The following CDC42EP1 variants were observed in gnomAD, a reference collection of about 807,000 sequenced individuals.
CDC42EP1 encodes the protein 55 kDa bone marrow stromal/endothelial cell protein.
Under a neutral mutation model 7.4 loss-of-function variants are expected in CDC42EP1, and 6 were observed. The ratio of observed to expected loss-of-function variants is 0.81; its 90% CI spans 0.44 to 1.60. The LOEUF is 1.60. Among genes scored for constraint, CDC42EP1 ranks in the 40% most tolerant of loss-of-function variants. The pLI is 0.01. For missense variants in CDC42EP1, 567 were observed against 539.0 expected, an observed-to-expected ratio of 1.05 and a Z score of -0.51; for synonymous variants, 238 against 227.1, an observed-to-expected ratio of 1.05 and a Z score of -0.43.
chr22:37,567,466 A>G (rs781635970), intron 2 of CDC42EP1, among the ~76,000 whole-genome samples: 47 of 152,244 alleles, frequency 3.1e-4, no homozygotes, highest in South Asian at 1.0e-3. Flanking sequence ...AGCTCACCTG[A>G]GAACCATGGG....
chr22:37,568,082 G>A (rs1925309074), intron 2 of CDC42EP1, 26 bp from the exon 3 acceptor site: 1 of 1,581,814 alleles, frequency 6.3e-7, no homozygotes, highest in African/African-American at 1.3e-5. Context: ...CCCCAGCTCT[G>A]AGCCCACTGC....
In CDC42EP1 at chr22:37,568,586, C is replaced by A. The variant is rs1359763967; in HGVS notation, c.942C>A (p.Gly314=). 2 of 1,600,984 alleles carry A rather than the reference C, an allele frequency of 1.2e-6. No homozygotes were observed. The highest frequency in any genetic ancestry group is 1.3e-5 in the African/African-American group (1 of 74,900). The part of the protein sequence containing the change: ...PVGGGPRGPA[G]PALGRHWGAG... ...GAGGGGGTCCCCGAGGACCTGCTGG[C>A]CCTGCCCTCGGCAGGCACTGGGGAG... The change falls in exon 3 of 3, where the codon GGC becomes GGA. Residue 314 remains glycine, a synonymous_variant. Coordinates refer to ENST00000249014, the MANE Select transcript of CDC42EP1 (RefSeq NM_152243.3).
Position 37,568,417 on chromosome 22 carries a change from AC to A in CDC42EP1, c.777del (p.Ser260GlnfsTer31). ...GCAAACCCCCCAGCGCCTGCTGCAA[AC>A]CCCTCAGCACCTGCCGCAACCCCCA... The part of the protein sequence containing the change: ...TTANPPAPAA[N>X]PSAPAATPTG... On this transcript the variant is annotated frameshift_variant, in exon 3 of 3. Coordinates refer to ENST00000249014, the MANE Select transcript of CDC42EP1 (RefSeq NM_152243.3). LOFTEE classifies it low-confidence loss of function (END_TRUNC). 2.9e-6 allele frequency: 1 copy of A among 345,718 alleles called. No individual in the cohort carries two copies. Among genetic ancestry groups the A allele is most frequent in the Non-Finnish European group, 4.8e-6 (1 of 208,048 alleles). The allele number at this position is 345,718 out of a possible 1,614,324, so 21.4% of individuals were successfully genotyped here.
chr22:37,566,332 T>C lies in CDC42EP1; in HGVS notation c.-18T>C. Reference sequence around the variant, plus strand: ...CCCCTGGTAGGCATGGACTAGCAGCTGTGAGCAGCCAGAGCTGATGCCCGG... The same window carrying C: ...CCCCTGGTAGGCATGGACTAGCAGCCGTGAGCAGCCAGAGCTGATGCCCGG... On this transcript the variant is annotated 5_prime_UTR_variant, in exon 2 of 3. Coordinates refer to ENST00000249014, the MANE Select transcript of CDC42EP1 (RefSeq NM_152243.3). The surrounding 1 kb of genome is among the most constrained non-coding windows in gnomAD (Gnocchi z 6.4). 4 of 971,180 alleles carry C rather than the reference T, an allele frequency of 4.1e-6. No homozygotes were observed. The highest frequency in any genetic ancestry group is 3.7e-5 in the South Asian group (2 of 54,210). 60.2% of individuals were successfully genotyped at this position (971,180 alleles called of 1,614,324 possible).
chr22:37,566,086 G>T lies in CDC42EP1; in HGVS notation c.-264G>T. On this transcript the variant is annotated 5_prime_UTR_variant, in exon 2 of 3. Coordinates refer to ENST00000249014, the MANE Select transcript of CDC42EP1 (RefSeq NM_152243.3). The surrounding 1 kb of genome is among the most constrained non-coding windows in gnomAD (Gnocchi z 6.4). ...CTTCCTTCCAGGTCTCCACCTCTGG[G>T]CAGGAGAGTTGCCGACCACCTCGGG... 2.7e-6 allele frequency: 1 copy of T among 374,110 alleles called. No homozygotes were observed. The highest frequency in any genetic ancestry group is 9.5e-5 in the South Asian group (1 of 10,506). 23.2% of individuals were successfully genotyped at this position (374,110 alleles called of 1,614,324 possible).
At position 37,568,652 on chromosome 22, in the gene CDC42EP1, G is replaced by A. The variant is rs368461789; in HGVS notation, c.1008G>A (p.Ala336=). 34 of 1,564,700 alleles carry A rather than the reference G, an allele frequency of 2.2e-5. No individual in the cohort carries two copies. The highest frequency in any genetic ancestry group is 3.6e-5 in the South Asian group (3 of 83,988). The change falls in exon 3 of 3, where the codon GCG becomes GCA. Residue 336 remains alanine, a synonymous_variant. Coordinates refer to ENST00000249014, the MANE Select transcript of CDC42EP1 (RefSeq NM_152243.3). ...GCCACCACTACCCAGAGATGGATGCGCGGCAGGAGCGGGTGGAGGTGCTGC... is the reference window on the plus strand; with the variant it reads ...GCCACCACTACCCAGAGATGGATGCACGGCAGGAGCGGGTGGAGGTGCTGC... The part of the protein sequence containing the change: ...DGGHHYPEMD[A]RQERVEVLPQ...
In CDC42EP1 at chr22:37,561,281, T is replaced by A. The variant is rs145440807; in HGVS notation, c.-279+693T>A. Among the ~76,000 whole-genome samples, 48 of 152,330 alleles carry A rather than the reference T, an allele frequency of 3.2e-4. 3 individuals carry two copies. In the East Asian group the frequency reaches 9.3e-3, roughly 29 times the overall value. On this transcript the variant is annotated intron_variant, in intron 1 of 2. Transcript: ENST00000249014. ...CCCGCAACATTCGAAGCCCTTTTCC[T>A]AGACCGGGAAACTGAGGCTTAGAGA...
Position 37,568,284 on chromosome 22 carries a change from A to G in CDC42EP1, c.640A>G (p.Met214Val), listed in dbSNP as rs1925324273. The change falls in exon 3 of 3, where the codon ATG becomes GTG. Residue 214 changes from methionine (M) to valine (V), a missense_variant. Physicochemically the swap from Met to Val is conservative, Grantham distance 21 (BLOSUM62 1). Transcript: ENST00000249014. ...PSLLSELLGV[M>V]SLPEAPAAET... The stretch of plus-strand genomic sequence containing the variant: ...ACTCCTCAGCGAGCTGCTAGGGGTC[A>G]TGAGCCTCCCAGAAGCCCCTGCAGC... 5 of 1,613,462 alleles carry G rather than the reference A, an allele frequency of 3.1e-6. No homozygotes were observed. In the South Asian group the frequency reaches 3.3e-5, roughly 11 times the overall value.
At position 37,566,704 on chromosome 22, in the gene CDC42EP1, G is replaced by C; in HGVS notation, c.355G>C (p.Ala119Pro). The C allele has an allele frequency of 6.2e-7, 1 of 1,611,912 alleles. No individual in the cohort carries two copies. Among genetic ancestry groups the C allele is most frequent in the Non-Finnish European group, 8.5e-7 (1 of 1,178,900 alleles). ...GGCCATCTCCCCCATCATCAAGAAC[G>C]CCATCTCCCTGCCCCAGCTCAACCA... ...PPAISPIIKNAISLPQLNQAA... is the reference protein window; with the variant it reads ...PPAISPIIKNPISLPQLNQAA... Residue 119 changes from alanine (A) to proline (P), a missense_variant, in exon 2 of 3, where the codon GCC becomes CCC. By Grantham distance (27) the Ala-to-Pro change is conservative. Transcript: ENST00000249014. This position sits in a 1 kb window ranked among gnomAD's most constrained non-coding sequence, Gnocchi z 6.4.
At position 37,568,681 on chromosome 22, in the gene CDC42EP1, A is replaced by G; in HGVS notation, c.1037A>G (p.Gln346Arg). Reference protein sequence around the residue: ...ARQERVEVLPQARASWESLDE... With the variant: ...ARQERVEVLPRARASWESLDE... The stretch of plus-strand genomic sequence containing the variant: ...CAGGAGCGGGTGGAGGTGCTGCCCC[A>G]AGCCCGGGCCTCCTGGGAGAGCCTG... Residue 346 changes from glutamine (Q) to arginine (R), a missense_variant, in exon 3 of 3, where the codon CAA becomes CGA. Transcript: ENST00000249014. 6.5e-7 allele frequency: 1 copy of G among 1,541,098 alleles called. No homozygotes were observed. The highest frequency in any genetic ancestry group is 2.0e-5 in the Admixed American group (1 of 50,606).
In CDC42EP1 at chr22:37,566,298, C is replaced by CA; in HGVS notation, c.-52_-51insA. 1 of 977,542 alleles carries CA rather than the reference C, an allele frequency of 1.0e-6. No homozygotes were observed. 60.6% of individuals were successfully genotyped at this position (977,542 alleles called of 1,614,324 possible). ...GCCATCCCAAGCCCAGCCCACCTCC[C>CA]TCCCCCGGCCCCTGGTAGGCATGGA... On this transcript the variant is annotated 5_prime_UTR_variant, in exon 2 of 3. Transcript: ENST00000249014. This position sits in a 1 kb window ranked among gnomAD's most constrained non-coding sequence, Gnocchi z 6.4.
chr22:37,566,811 C>T lies in CDC42EP1; in HGVS notation c.462C>T (p.Tyr154=), dbSNP rs375191776. The change falls in exon 2 of 3, where the codon TAC becomes TAT. Residue 154 remains tyrosine, a splice_region_variant and synonymous_variant. Coordinates refer to ENST00000249014, the MANE Select transcript of CDC42EP1 (RefSeq NM_152243.3). The surrounding 1 kb of genome is among the most constrained non-coding windows in gnomAD (Gnocchi z 6.4). ...GCTCCACGGACGGCCACTCCAGCTA[C>T]GGTGAGGGCCTGGGCCATCTTGGCC... The part of the protein sequence containing the change: ...PTSSTDGHSS[Y]GLDSGFCTIS... 1.1e-5 allele frequency: 17 copies of T among 1,553,154 alleles called. No individual in the cohort carries two copies. The highest frequency in any genetic ancestry group is 5.9e-5 in the Admixed American group (3 of 50,490).
intron 1 of CDC42EP1, among the ~76,000 whole-genome samples, chr22:37,562,546 A>T (rs1318472094): frequency 6.6e-6 from 1 of 152,198 alleles, no homozygotes; most frequent in South Asian, 2.1e-4. Context: ...CTCCCCTGGG[A>T]GGGGAACTGC....
At chr22:37,561,086 G>T (rs1021268507) in intron 1 of CDC42EP1, among the ~76,000 whole-genome samples, 1 of 152,078 alleles carries the variant, frequency 6.6e-6, no homozygotes, top group African/African-American at 2.4e-5. Flanking sequence ...AGGTCATCCC[G>T]TCCGGTTCCC....
intron 1 of CDC42EP1, among the ~76,000 whole-genome samples, 185 bp downstream of exon 1, chr22:37,560,773 C>T (rs1228307447): frequency 6.6e-6 from 1 of 151,936 alleles, no homozygotes; most frequent in Non-Finnish European, 1.5e-5. Context: ...CGCGAGGAAA[C>T]TCCGAGCTTT....
At position 37,568,173 on chromosome 22, in the gene CDC42EP1, C is replaced by T. The variant is rs199910466; in HGVS notation, c.529C>T (p.Arg177Trp). The T allele has an allele frequency of 1.9e-5, 30 of 1,613,928 alleles. No individual in the cohort carries two copies. The highest frequency in any genetic ancestry group is 4.0e-5 in the African/African-American group (3 of 74,914). ...CTCGGAAAAGCCGCATGACCGAGAC[C>T]GGGATGGTTCCTTCCCCTCTGAGCC... ...PRSEKPHDRDRDGSFPSEPGL... is the reference protein window; with the variant it reads ...PRSEKPHDRDWDGSFPSEPGL... Residue 177 changes from arginine (R) to tryptophan (W), a missense_variant, in exon 3 of 3, where the codon CGG (arginine) becomes TGG (tryptophan). Coordinates refer to ENST00000249014, the MANE Select transcript of CDC42EP1 (RefSeq NM_152243.3).
chr22:37,566,930 AC>A lies in CDC42EP1; in HGVS notation c.463+122del. The A allele has an allele frequency of 1.5e-6, 1 of 661,026 alleles. No homozygotes were observed. The highest frequency in any genetic ancestry group is 2.4e-6 in the Non-Finnish European group (1 of 414,536). The allele number at this position is 661,026 out of a possible 1,614,324, so 40.9% of individuals were successfully genotyped here. ...AAGTGACCACAGAGGTCAGGCCCAG[AC>A]CCCACATCATGGATGGGGAGGGGGT... On this transcript the variant is annotated intron_variant, in intron 2 of 2. Transcript: ENST00000249014. The surrounding 1 kb of genome is among the most constrained non-coding windows in gnomAD (Gnocchi z 6.4).
intron 1 of CDC42EP1, among the ~76,000 whole-genome samples, chr22:37,563,123 A>G (rs1925106649): frequency 6.6e-6 from 1 of 152,040 alleles, no homozygotes; most frequent in Admixed American, 6.6e-5. Context: ...AGAAAAAAAA[A>G]AAAGTCAGGG....
Position 37,568,692 on chromosome 22 carries a change from TC to T in CDC42EP1, c.1050del (p.Trp351GlyfsTer77), listed in dbSNP as rs746022841. On this transcript the variant is annotated frameshift_variant, in exon 3 of 3. Coordinates refer to ENST00000249014, the MANE Select transcript of CDC42EP1 (RefSeq NM_152243.3). LOFTEE classifies it high-confidence loss of function. Reference sequence around the variant, plus strand: ...GGAGGTGCTGCCCCAAGCCCGGGCCTCCTGGGAGAGCCTGGACGAAGAGTGG... The same window carrying T: ...GGAGGTGCTGCCCCAAGCCCGGGCCTCTGGGAGAGCCTGGACGAAGAGTGG... ...RVEVLPQARA[S>X]WESLDEEWRA... 1.3e-6 allele frequency: 2 copies of T among 1,541,892 alleles called. No individual in the cohort carries two copies. The highest frequency in any genetic ancestry group is 1.3e-5 in the South Asian group (1 of 79,600).
Sources: allele counts gnomAD v4.1 joint callset (sites outside exome capture counted in the v4.1 genomes callset), GRCh38; gene constraint gnomAD v4.1.1; non-coding constraint Gnocchi (gnomAD v3.1); transcripts MANE v1.5; gene names NCBI Gene and HGNC (gene_info 2026-07-23, HGNC 2026-07-21).